Variants in LMX1B observed in about 807,000 individuals in gnomAD.
The protein encoded by LMX1B is LIM homeobox transcription factor 1 beta.
A neutral mutation model predicts 51.4 loss-of-function variants in LMX1B; 12 were observed. The observed-to-expected ratio is 0.23, with a 90% confidence interval of 0.15 to 0.38. The LOEUF (loss-of-function observed/expected upper bound fraction) is 0.38. LMX1B is among the 10% of genes least tolerant of loss of function. The pLI, the probability that LMX1B is intolerant of heterozygous loss-of-function variation, is 1.00. For synonymous variants in LMX1B, 237 were observed against 235.4 expected (o/e 1.01, Z -0.06); for missense variants, 445 against 571.1 (o/e 0.78, Z 2.25).
At chr9:126,628,123 C>T (rs549897147) in intron 2 of LMX1B, among the ~76,000 whole-genome samples, 1 of 152,350 alleles carries the variant, frequency 6.6e-6, no homozygotes, top group South Asian at 2.1e-4. Flanking sequence ...GACAGTGCCA[C>T]ATCCCACCAT....
rs79627837 is a variant in LMX1B at position 126,652,790 on chromosome 9, G to A, written c.326+37221G>A. On this transcript the variant is annotated intron_variant, in intron 2 of 7. Coordinates refer to ENST00000373474, the MANE Select transcript of LMX1B (RefSeq NM_001174147.2). ...TACCTGGAGCCTGTGGGAACAAGGG[G>A]ATGGGTCAGGAGCAGAGGTTGTGAC... 7.0e-3 allele frequency among the ~76,000 whole-genome samples: 1,063 copies of A among 152,354 alleles called. 13 individuals are homozygous for A. Among genetic ancestry groups the A allele is most frequent in the African/African-American group, 0.024 (1,015 of 41,568 alleles).
intron 2 of LMX1B, among the ~76,000 whole-genome samples, chr9:126,681,792 T>C (rs1337565452): frequency 1.3e-5 from 2 of 151,928 alleles, no homozygotes; most frequent in Admixed American, 1.3e-4. Context: ...TCCCAGCTAC[T>C]TGGGAGGCTG....
rs1266781259 is a variant in LMX1B, at chr9:126,614,401, G to A, written c.-49G>A. On this transcript the variant is annotated 5_prime_UTR_variant, in exon 1 of 8. Transcript: ENST00000373474. ...GCGGCGGAGAGCGGGTGGACGGGCC[G>A]GCGGGCGAGCAGCCCGGCCGGCGGG... 1.5e-6 allele frequency: 2 copies of A among 1,364,600 alleles called. No homozygotes were observed. Among genetic ancestry groups the A allele is most frequent in the Admixed American group, 6.7e-5 (2 of 29,642 alleles). The allele number at this position is 1,364,600 out of a possible 1,614,324, so 84.5% of individuals were successfully genotyped here.
intron 2 of LMX1B, among the ~76,000 whole-genome samples, chr9:126,642,428 C>G (rs1319525022): frequency 6.6e-6 from 1 of 152,184 alleles, no homozygotes; most frequent in African/African-American, 2.4e-5. Flanking sequence ...TTCAGTGCCA[C>G]CCACACTCCC....
Position 126,698,003 on chromosome 9 carries a change from G to T in LMX1B, c.*1552G>T, listed in dbSNP as rs889806061. 1.3e-5 allele frequency: 2 copies of T among 152,786 alleles called. No homozygotes were observed. The highest frequency in any genetic ancestry group is 4.8e-5 in the African/African-American group (2 of 41,428). The allele number at this position is 152,786 out of a possible 1,614,324, so 9.5% of individuals were successfully genotyped here. A position where few individuals can be genotyped will look rare whatever the true frequency, so the allele number is the denominator to read the frequency against. ...TGATTCTGATGCCTCAGCCTCCCTA[G>T]TAGCTGAGATTACAGGCATGCGCCA... On this transcript the variant is annotated 3_prime_UTR_variant, in exon 8 of 8. Coordinates refer to ENST00000373474, the MANE Select transcript of LMX1B (RefSeq NM_001174147.2).
chr9:126,614,915 A>G (rs1349842838), intron 1 of LMX1B, among the ~76,000 whole-genome samples: 2 of 151,972 alleles, frequency 1.3e-5, no homozygotes, highest in African/African-American at 2.4e-5. Flanking sequence ...GAGAGGCGCA[A>G]GGTCACCTGG....
chr9:126,660,195 G>A (rs1011987956), intron 2 of LMX1B, among the ~76,000 whole-genome samples: 56 of 150,776 alleles, frequency 3.7e-4, no homozygotes, highest in African/African-American at 1.3e-3. Context: ...ACTGGCTTCA[G>A]AGGTTGTCCT....
At chr9:126,651,827 G>A (rs1239611195) in intron 2 of LMX1B, among the ~76,000 whole-genome samples, 1 of 152,142 alleles carries the variant, frequency 6.6e-6, no homozygotes, top group African/African-American at 2.4e-5. Context: ...AACAGGCGGG[G>A]TCTGCTCTGA....
At chr9:126,644,662 C>T (rs1835867787) in intron 2 of LMX1B, among the ~76,000 whole-genome samples, 1 of 152,190 alleles carries the variant, frequency 6.6e-6, no homozygotes, top group African/African-American at 2.4e-5. Context: ...GCTTTGCCCT[C>T]TGGCTCAGCC....
intron 2 of LMX1B, among the ~76,000 whole-genome samples, chr9:126,665,197 C>T: frequency 6.6e-6 from 1 of 152,226 alleles, no homozygotes. Flanking sequence ...CTCCCTGGAG[C>T]TAGCTGCTGG....
At chr9:126,662,764 G>A (rs780967027) in intron 2 of LMX1B, among the ~76,000 whole-genome samples, 8 of 152,242 alleles carry the variant, frequency 5.3e-5, no homozygotes, top group Non-Finnish European at 8.8e-5. Context: ...AGCGGCCACC[G>A]CTGCCGGGAT....
chr9:126,652,296 A>G lies in LMX1B; in HGVS notation c.326+36727A>G, dbSNP rs868744233. Among the ~76,000 whole-genome samples, 108 of 120,348 alleles carry G rather than the reference A, an allele frequency of 9.0e-4. 1 individual carries two copies. The highest frequency in any genetic ancestry group is 3.1e-3 in the African/African-American group (99 of 32,246). The allele number at this position is 120,348 out of a possible 152,430, so 79.0% of individuals were successfully genotyped here. On this transcript the variant is annotated intron_variant, in intron 2 of 7. Transcript: ENST00000373474. ...GAGCAGCAGGAGTCTGAGGAGGAGA[A>G]GGGGGGGGGGATTTTCTCTTTCTTC...
intron 2 of LMX1B, among the ~76,000 whole-genome samples, chr9:126,633,933 C>T (rs1347814100): frequency 6.6e-6 from 1 of 152,122 alleles, no homozygotes; most frequent in Non-Finnish European, 1.5e-5. Flanking sequence ...ATTCACACAG[C>T]TTTGTGTGAC....
At chr9:126,628,817 C>T (rs1835580148) in intron 2 of LMX1B, among the ~76,000 whole-genome samples, 1 of 152,068 alleles carries the variant, frequency 6.6e-6, no homozygotes, top group Non-Finnish European at 1.5e-5. Context: ...AGTTGCCATC[C>T]CCAAAGCTAG....
At chr9:126,682,218 G>A (rs906477339) in intron 2 of LMX1B, among the ~76,000 whole-genome samples, 2 of 150,546 alleles carry the variant, frequency 1.3e-5, no homozygotes, top group African/African-American at 4.9e-5. Flanking sequence ...GTCAGCCACA[G>A]AGCCCAGCCT....
At chr9:126,627,488 G>A (rs1835556968) in intron 2 of LMX1B, among the ~76,000 whole-genome samples, 1 of 152,000 alleles carries the variant, frequency 6.6e-6, no homozygotes, top group African/African-American at 2.4e-5. Flanking sequence ...TCATGCCTTG[G>A]CCCAGAGCCT....
At chr9:126,631,029 C>A (rs1178329938) in intron 2 of LMX1B, among the ~76,000 whole-genome samples, 1 of 152,264 alleles carries the variant, frequency 6.6e-6, no homozygotes, top group Non-Finnish European at 1.5e-5. Flanking sequence ...CCTGCCCACC[C>A]CTCCAGCTCT....
At chr9:126,638,475 C>A (rs1371595798) in intron 2 of LMX1B, among the ~76,000 whole-genome samples, 1 of 152,238 alleles carries the variant, frequency 6.6e-6, no homozygotes. Flanking sequence ...CGACCCCACC[C>A]GGCCCCCCAC....
At chr9:126,665,607 G>A (rs866868870) in intron 2 of LMX1B, among the ~76,000 whole-genome samples, 3 of 152,148 alleles carry the variant, frequency 2.0e-5, no homozygotes, top group Non-Finnish European at 4.4e-5. Flanking sequence ...CTGCAGGGGC[G>A]GGGTTGCCCT....
Sources: allele counts gnomAD v4.1 joint callset (sites outside exome capture counted in the v4.1 genomes callset), GRCh38; gene constraint gnomAD v4.1.1; transcripts MANE v1.5; gene names NCBI Gene and HGNC (gene_info 2026-07-23, HGNC 2026-07-21).